The following PTPN4 variants were observed in gnomAD, a reference collection of about 807,000 sequenced individuals.
The protein encoded by PTPN4 is tyrosine-protein phosphatase non-receptor type 4.
Under a neutral mutation model 135.5 loss-of-function variants are expected in PTPN4, and 49 were observed. The ratio of observed to expected loss-of-function variants is 0.36; its 90% CI spans 0.29 to 0.46. PTPN4 has a LOEUF of 0.46. PTPN4 is among the 20% of genes least tolerant of loss of function. PTPN4 has a pLI of 1.00. For missense variants in PTPN4, 860 were observed against 1,101.0 expected (o/e 0.78, Z 3.10); for synonymous variants, 333 against 369.9 (o/e 0.90, Z 1.14).
At chr2:119,973,684 G>GTTTTTTTTTTTTTTTTTTTTT (rs1574428169) in intron 26 of PTPN4, among the ~76,000 whole-genome samples, 2 of 11,306 alleles carry the variant, frequency 1.8e-4, no homozygotes, top group Non-Finnish European at 1.8e-4. Flanking sequence ...TTTTTTTTTG[G>GTTTTTTTTTTTTTTTTTTTTT]TAATTTACTT....
chr2:119,845,000 C>T (rs1308756831), intron 2 of PTPN4, among the ~76,000 whole-genome samples: 6 of 150,022 alleles, frequency 4.0e-5, no homozygotes, highest in Admixed American at 1.3e-4. Context: ...TCTGCAATCC[C>T]GGCACCTCGG....
chr2:119,794,587 T>A (rs898089767), intron 1 of PTPN4, among the ~76,000 whole-genome samples: 3 of 152,226 alleles, frequency 2.0e-5, no homozygotes, highest in African/African-American at 7.2e-5. Context: ...GTGTGGCACC[T>A]GGAAGCTTGG....
At chr2:119,945,045 T>G in intron 15 of PTPN4, 36 bp from the exon 16 acceptor site, 1 of 1,553,192 alleles carries the variant, frequency 6.4e-7, no homozygotes, top group Non-Finnish European at 8.6e-7. Context: ...TTTAAAAAAG[T>G]TATGAAACAA....
intron 15 of PTPN4, among the ~76,000 whole-genome samples, chr2:119,942,343 G>A (rs1679072066): frequency 6.6e-6 from 1 of 152,088 alleles, no homozygotes; most frequent in Non-Finnish European, 1.5e-5. Flanking sequence ...CCACCGATAG[G>A]CCCATACAGG....
chr2:119,931,433 C>CTTTTTTTTTTTTTTTTTT (rs1158907026), intron 13 of PTPN4, among the ~76,000 whole-genome samples: 3 of 83,366 alleles, frequency 3.6e-5, no homozygotes, highest in African/African-American at 5.0e-5. Flanking sequence ...TTCTTTCTTT[C>CTTTTTTTTTTTTTTTTTT]TTTTTTTTTT....
intron 8 of PTPN4, among the ~76,000 whole-genome samples, chr2:119,883,560 C>T (rs1678111704): frequency 6.6e-6 from 1 of 152,076 alleles, no homozygotes; most frequent in Admixed American, 6.5e-5. Context: ...CTTCAATATA[C>T]AATTCAGAAT....
intron 2 of PTPN4, among the ~76,000 whole-genome samples, chr2:119,820,484 C>A (rs1194653225): frequency 6.6e-6 from 1 of 152,302 alleles, no homozygotes; most frequent in Middle Eastern, 3.4e-3. Flanking sequence ...AATTGTCTGT[C>A]CTGATTCCCA....
intron 3 of PTPN4, among the ~76,000 whole-genome samples, chr2:119,871,715 G>T (rs1345283777): frequency 6.7e-6 from 1 of 149,586 alleles, no homozygotes; most frequent in East Asian, 2.0e-4. Flanking sequence ...AAGAGAGAGA[G>T]AAAAAAAAAG....
At chr2:119,860,106 A>G (rs1376773224) in intron 2 of PTPN4, among the ~76,000 whole-genome samples, 1 of 152,236 alleles carries the variant, frequency 6.6e-6, no homozygotes, top group African/African-American at 2.4e-5. Context: ...AGTTTCTTCA[A>G]CCAAAGGTAC....
chr2:119,970,696 A>C (rs1207129225), intron 26 of PTPN4, among the ~76,000 whole-genome samples: 1 of 152,080 alleles, frequency 6.6e-6, no homozygotes, highest in Non-Finnish European at 1.5e-5. Flanking sequence ...CATTTTGTTC[A>C]TCCGTTAATC....
intron 9 of PTPN4, among the ~76,000 whole-genome samples, chr2:119,900,432 G>T (rs185864478): frequency 6.6e-6 from 1 of 152,110 alleles, no homozygotes; most frequent in Admixed American, 6.5e-5. Flanking sequence ...TGAATTCTTG[G>T]TTCCTATTCC....
At chr2:119,852,399 G>A (rs1019492156) in intron 2 of PTPN4, among the ~76,000 whole-genome samples, 2 of 152,192 alleles carry the variant, frequency 1.3e-5, no homozygotes, top group African/African-American at 4.8e-5. Context: ...GTTGTAACAG[G>A]TGCAGGCAAC....
At position 119,955,233 on chromosome 2, in the gene PTPN4, T is replaced by C. The variant is rs1679263237; in HGVS notation, c.1890T>C (p.Asp630=). Residue 630 remains aspartate, a synonymous_variant, in exon 20 of 27, where the codon GAT becomes GAC. Transcript: ENST00000263708. ...FQYIPEKAPL[D]SVHQDDHSLR... ...ATATTCCTGAGAAAGCCCCACTAGA[T>C]AGTGTGCATCAGGATGACCATTCCC... The C allele has an allele frequency of 1.9e-6, 3 of 1,613,596 alleles. No individual in the cohort carries two copies. The highest frequency in any genetic ancestry group is 2.5e-6 in the Non-Finnish European group (3 of 1,179,758).
rs1691125282 is a variant in PTPN4, at chr2:119,790,547, A to G, written c.-17-19290A>G. Reference sequence around the variant, plus strand: ...TGTTACTTTTTTGGGGTATATATTTATATATATTTTTATATTGTTTATGTT... The same window carrying G: ...TGTTACTTTTTTGGGGTATATATTTGTATATATTTTTATATTGTTTATGTT... On this transcript the variant is annotated intron_variant, in intron 1 of 26. Coordinates refer to ENST00000263708, the MANE Select transcript of PTPN4 (RefSeq NM_002830.4). Among the ~76,000 whole-genome samples, 7 of 151,858 alleles carry G rather than the reference A, an allele frequency of 4.6e-5. No homozygotes were observed. In the South Asian group the frequency reaches 1.5e-3, roughly 31 times the overall value.
At chr2:119,824,592 T>G (rs945654959) in intron 2 of PTPN4, among the ~76,000 whole-genome samples, 44 of 152,220 alleles carry the variant, frequency 2.9e-4, no homozygotes, top group African/African-American at 1.0e-3. Context: ...AATTTTTATC[T>G]TTTGTATTTT....
chr2:119,794,277 G>T lies in PTPN4; in HGVS notation c.-17-15560G>T, dbSNP rs115416107. Among the ~76,000 whole-genome samples, 752 of 152,318 alleles carry T rather than the reference G, an allele frequency of 4.9e-3. 5 individuals carry two copies. The highest frequency in any genetic ancestry group is 7.7e-3 in the Non-Finnish European group (527 of 68,030). On this transcript the variant is annotated intron_variant, in intron 1 of 26. Transcript: ENST00000263708. ...GCTTAGCCAGCTGGAAACCTCTGTG[G>T]CCAGTGGCGCCTTTGCCTGAGTTTT...
At chr2:119,883,450 T>C (rs1678109565) in intron 8 of PTPN4, among the ~76,000 whole-genome samples, 1 of 152,172 alleles carries the variant, frequency 6.6e-6, no homozygotes, top group Non-Finnish European at 1.5e-5. Context: ...TCAACTTTGA[T>C]TTTTTTGTGT....
intron 12 of PTPN4, among the ~76,000 whole-genome samples, chr2:119,921,046 C>T (rs555528260): frequency 2.6e-5 from 4 of 152,126 alleles, no homozygotes; most frequent in East Asian, 1.9e-4. Context: ...TTTGGGAGGC[C>T]GAGGCAGGCG....
chr2:119,781,726 C>G (rs1690943988), intron 1 of PTPN4, among the ~76,000 whole-genome samples: 1 of 152,096 alleles, frequency 6.6e-6, no homozygotes, highest in African/African-American at 2.4e-5. Context: ...GAAATTCAGA[C>G]TTCAATATCT....
Sources: allele counts gnomAD v4.1 joint callset (sites outside exome capture counted in the v4.1 genomes callset), GRCh38; gene constraint gnomAD v4.1.1; transcripts MANE v1.5; gene names NCBI Gene and HGNC (gene_info 2026-07-23, HGNC 2026-07-21).